XDH: variants seen among roughly 807,000 people sequenced by gnomAD.
XDH encodes xanthine dehydrogenase/oxidase.
XDH carries 138 observed loss-of-function variants against 156.1 expected under a neutral mutation model. The observed-to-expected ratio is 0.88, with a 90% CI of 0.77 to 1.02. The LOEUF is 1.02. Among genes scored for constraint, XDH ranks in the 50% least tolerant of loss-of-function variants. The pLI is 0.00. For missense variants in XDH, 1,849 were observed against 1,684.9 expected, an observed-to-expected ratio of 1.10 and a Z score of -1.71; for synonymous variants, 669 against 625.7, an observed-to-expected ratio of 1.07 and a Z score of -1.03.
At chr2:31,370,924 T>C (rs1686054254) in intron 17 of XDH, among the ~76,000 whole-genome samples, 1 of 152,178 alleles carries the variant, frequency 6.6e-6, no homozygotes, top group Non-Finnish European at 1.5e-5. Flanking sequence ...AAGCAAGCCA[T>C]ATCAGAACGA....
intron 3 of XDH, 150 bp from the exon 4 acceptor site, chr2:31,401,478 C>T (rs764042043): frequency 5.8e-5 from 50 of 859,300 alleles, no homozygotes; most frequent in Non-Finnish European, 8.8e-5. Context: ...GTGTCCTCAC[C>T]TCTCCACTGA....
chr2:31,373,566 TTTTAGC>T (rs1686138778), intron 16 of XDH, among the ~76,000 whole-genome samples: 2 of 140,944 alleles, frequency 1.4e-5, no homozygotes, highest in South Asian at 4.6e-4. Flanking sequence ...TGTTTGTTTG[TTTTAGC>T]ATACTCAAGA....
intron 6 of XDH, among the ~76,000 whole-genome samples, chr2:31,392,001 T>C (rs960409256): frequency 6.6e-6 from 1 of 152,254 alleles, no homozygotes; most frequent in African/African-American, 2.4e-5. Flanking sequence ...TATAGGCCTA[T>C]TCAGATTATC....
At chr2:31,411,247 C>G (rs1288373040) in intron 1 of XDH, among the ~76,000 whole-genome samples, 1 of 149,214 alleles carries the variant, frequency 6.7e-6, no homozygotes, top group African/African-American at 2.5e-5. Flanking sequence ...CGCCACTGCA[C>G]TCCAGCCTGG....
Position 31,397,252 on chromosome 2 carries a change from C to T in XDH, c.495+416G>A, listed in dbSNP as rs1041486888. On this transcript the variant is annotated intron_variant, in intron 6 of 35. Coordinates refer to ENST00000379416, the MANE Select transcript of XDH (RefSeq NM_000379.4). ...CCAACAGAGTGCCAGCCACAGAAAGCAGCCAGGAGAGGGAAGGAGGAGGGG... is the reference window on the plus strand; with the variant it reads ...CCAACAGAGTGCCAGCCACAGAAAGTAGCCAGGAGAGGGAAGGAGGAGGGG... Among the ~76,000 whole-genome samples, 7 of 152,316 alleles carry T rather than the reference C, an allele frequency of 4.6e-5. No homozygotes were observed. The East Asian group carries it at 1.3e-3, about 29-fold the overall frequency.
At chr2:31,371,821 C>T (rs1207687886) in intron 17 of XDH, among the ~76,000 whole-genome samples, 1 of 152,170 alleles carries the variant, frequency 6.6e-6, no homozygotes, top group South Asian at 2.1e-4. Context: ...ATTCCTAGTC[C>T]ACACAGTGGG....
Position 31,365,542 on chromosome 2 carries a change from G to T in XDH, c.2459C>A (p.Thr820Asn). 6.2e-7 allele frequency: 1 copy of T among 1,614,116 alleles called. No homozygotes were observed. Among genetic ancestry groups the T allele is most frequent in the Non-Finnish European group, 8.5e-7 (1 of 1,180,022 alleles). ...STAVALAAYK[T>N]GRPVRCMLDR... The stretch of plus-strand genomic sequence containing the variant: ...CAGCATGCATCGCACAGGGCGGCCG[G>T]TCCTGGGGGTTACCGACAGTGTTAG... The change falls in exon 23 of 36, where the codon ACC (threonine) becomes AAC (asparagine). Residue 820 changes from threonine (T) to asparagine (N), a missense_variant and splice_region_variant. Transcript: ENST00000379416.
At position 31,339,426 on chromosome 2, in the gene XDH, C is replaced by T. The variant is rs1553411122; in HGVS notation, c.3774+63G>A. 24 of 1,609,902 alleles carry T rather than the reference C, an allele frequency of 1.5e-5. 1 individual carries two copies. Among genetic ancestry groups the T allele is most frequent in the Middle Eastern group, 2.1e-4 (1 of 4,700 alleles). ...CAGGTGGGTCACTGAGGCCTCTCAT[C>T]ACCCGCTGGGGCCTCCCCCAGGGCA... On this transcript the variant is annotated intron_variant, in intron 34 of 35. Coordinates refer to ENST00000379416, the MANE Select transcript of XDH (RefSeq NM_000379.4).
chr2:31,370,255 A>C, intron 18 of XDH, 100 bp downstream of exon 18: 1 of 1,412,918 alleles, frequency 7.1e-7, no homozygotes, highest in Non-Finnish European at 9.8e-7. Context: ...AATCCATGCA[A>C]ATGTATAACC....
chr2:31,337,497 G>C, intron 35 of XDH, 144 bp downstream of exon 35: 1 of 1,107,248 alleles, frequency 9.0e-7, no homozygotes, highest in Non-Finnish European at 1.4e-6. Flanking sequence ...TTCATACCAT[G>C]CACAATGAAG....
At chr2:31,341,298 C>G in intron 33 of XDH, 31 bp downstream of exon 33, 4 of 1,554,348 alleles carry the variant, frequency 2.6e-6, no homozygotes, top group Non-Finnish European at 3.5e-6. Context: ...GTGGCCAAGT[C>G]TGTCACCACC....
intron 30 of XDH, 50 bp downstream of exon 30, chr2:31,346,719 G>C (rs376736307): frequency 6.2e-7 from 1 of 1,609,622 alleles, no homozygotes; most frequent in Non-Finnish European, 8.5e-7. Context: ...AGGCCCTGCT[G>C]TCAATTTCCC....
intron 33 of XDH, among the ~76,000 whole-genome samples, chr2:31,340,100 C>T (rs1355099277): frequency 6.6e-6 from 1 of 152,228 alleles, no homozygotes; most frequent in African/African-American, 2.4e-5. Flanking sequence ...GGAGAAAGTG[C>T]CCCCACTGCA....
At chr2:31,376,205 T>C (rs1686240423) in intron 14 of XDH, among the ~76,000 whole-genome samples, 1 of 151,362 alleles carries the variant, frequency 6.6e-6, no homozygotes, top group African/African-American at 2.4e-5. Flanking sequence ...GTAATAATAC[T>C]AGCAACAGCA....
intron 1 of XDH, among the ~76,000 whole-genome samples, chr2:31,410,331 T>G (rs1006855628): frequency 1.3e-5 from 2 of 152,198 alleles, no homozygotes; most frequent in African/African-American, 4.8e-5. Flanking sequence ...TGAATGTATG[T>G]AATACCACTG....
At chr2:31,352,676 T>G (rs778744706) in intron 24 of XDH, among the ~76,000 whole-genome samples, 8 of 152,236 alleles carry the variant, frequency 5.3e-5, no homozygotes, top group Non-Finnish European at 1.2e-4. Context: ...AAAGACTGTA[T>G]GTTTTTCAAC....
intron 6 of XDH, 50 bp from the exon 7 acceptor site, chr2:31,388,345 C>T (rs1442804632): frequency 6.3e-7 from 1 of 1,596,494 alleles, no homozygotes; most frequent in Non-Finnish European, 8.6e-7. Context: ...AGAGTATTTG[C>T]AGAAGCTAAG....
chr2:31,414,621 T>C lies in XDH; in HGVS notation c.42+4A>G, dbSNP rs1687430040. ...CACAAAACCAAAGGTCAGCTCCTAC[T>C]TACCTTTCTGCCATTCACAAAGAAA... On this transcript the variant is annotated splice_donor_region_variant and intron_variant, in intron 1 of 35. Coordinates refer to ENST00000379416, the MANE Select transcript of XDH (RefSeq NM_000379.4). 5 of 1,614,098 alleles carry C rather than the reference T, an allele frequency of 3.1e-6. No homozygotes were observed. Among genetic ancestry groups the C allele is most frequent in the African/African-American group, 1.3e-5 (1 of 75,012 alleles).
chr2:31,405,916 T>A lies in XDH; in HGVS notation c.91A>T (p.Arg31Ter). The stretch of plus-strand genomic sequence containing the variant: ...TCCAAAGTCAGGATACACTTTCTTC[T>A]CAGGTAGGCCAAAAGGGTTGTCTCT... ...DPETTLLAYLRRKLGLSGTKL... is the reference protein window; with the variant it reads ...DPETTLLAYL The change falls in exon 2 of 36, where the codon AGA becomes TGA. Residue 31 changes from arginine to a stop codon, truncating the protein, a stop_gained. Transcript: ENST00000379416. LOFTEE classifies it high-confidence loss of function. 1 of 1,614,190 alleles carries A rather than the reference T, an allele frequency of 6.2e-7. No individual in the cohort carries two copies. Among genetic ancestry groups the A allele is most frequent in the Non-Finnish European group, 8.5e-7 (1 of 1,180,036 alleles).
Sources: gnomAD v4.1 joint callset for allele counts (sites outside exome capture counted in the v4.1 genomes callset) on GRCh38, gnomAD v4.1.1 for gene constraint, MANE v1.5 for transcripts, NCBI Gene and HGNC (gene_info 2026-07-23, HGNC 2026-07-21) for gene names.